TOP1: variants seen among roughly 807,000 people sequenced by gnomAD.
The protein encoded by TOP1 is DNA topoisomerase 1.
A neutral mutation model predicts 111.1 loss-of-function variants in TOP1; 10 were observed. The observed-to-expected ratio is 0.09, with a 90% CI of 0.06 to 0.15. TOP1 has a LOEUF of 0.15. Among genes scored for constraint, TOP1 ranks in the 10% least tolerant of loss-of-function variants. The pLI, the probability that TOP1 is intolerant of heterozygous loss-of-function variation, is 1.00. For synonymous variants in TOP1, 271 were observed against 302.9 expected (o/e 0.89, Z 1.10); for missense variants, 474 against 926.7 (o/e 0.51, Z 6.34).
intron 2 of TOP1, among the ~76,000 whole-genome samples, chr20:41,056,750 G>T (rs2033476968): frequency 6.6e-6 from 1 of 152,128 alleles, no homozygotes; most frequent in South Asian, 2.1e-4. Flanking sequence ...CCAAAGTGTT[G>T]GGATTGTAAA....
At position 41,121,859 on chromosome 20, in the gene TOP1, G is replaced by A. The variant is rs2034428897; in HGVS notation, c.2045+69G>A. ...TGTGCAGCATCTGTCAGGGCCCCTG[G>A]GGCCCTGGCTTTTCGATGGTTTCTG... On this transcript the variant is annotated intron_variant, in intron 19 of 20. Coordinates refer to ENST00000361337, the MANE Select transcript of TOP1 (RefSeq NM_003286.4). This position sits in a 1 kb window ranked among gnomAD's most constrained non-coding sequence, Gnocchi z 4.2. 3 of 1,561,012 alleles carry A rather than the reference G, an allele frequency of 1.9e-6. No individual in the cohort carries two copies. Among genetic ancestry groups the A allele is most frequent in the Non-Finnish European group, 2.6e-6 (3 of 1,141,104 alleles).
At chr20:41,051,004 G>T (rs1252431751) in intron 2 of TOP1, among the ~76,000 whole-genome samples, 3 of 152,106 alleles carry the variant, frequency 2.0e-5, no homozygotes, top group Non-Finnish European at 4.4e-5. Context: ...TAATAATGAG[G>T]TGATAAATAT....
chr20:41,093,151 T>A (rs1233432834), intron 9 of TOP1, among the ~76,000 whole-genome samples: 1 of 152,166 alleles, frequency 6.6e-6, no homozygotes, highest in Non-Finnish European at 1.5e-5. Context: ...CCTGCCTGGG[T>A]CTCTTAGAAC....
rs761640581 is a variant in TOP1, at chr20:41,095,559, C to T, written c.731-1661C>T. ...TTGGGGGTTGATGGGGGCAGCTGCG[C>T]CACCTGTTGGCCTTTTAAGTTAATG... On this transcript the variant is annotated intron_variant, in intron 9 of 20. Transcript: ENST00000361337. This position sits in a 1 kb window ranked among gnomAD's most constrained non-coding sequence, Gnocchi z 4.6. 3.1e-4 allele frequency among the ~76,000 whole-genome samples: 47 copies of T among 152,154 alleles called. No individual in the cohort carries two copies. The highest frequency in any genetic ancestry group is 2.6e-4 in the Admixed American group (4 of 15,274).
At chr20:41,060,842 G>A (rs899519567) in intron 2 of TOP1, among the ~76,000 whole-genome samples, 4 of 151,792 alleles carry the variant, frequency 2.6e-5, no homozygotes, top group African/African-American at 7.3e-5. Context: ...TATTGTGGGG[G>A]GATTTGTATT....
chr20:41,119,362 C>G (rs2145971461), intron 18 of TOP1, among the ~76,000 whole-genome samples: 1 of 152,290 alleles, frequency 6.6e-6, no homozygotes, highest in East Asian at 1.9e-4. Flanking sequence ...CACCTGTAAT[C>G]TCAGCATTTT....
At chr20:41,045,394 A>C (rs890351812) in intron 2 of TOP1, among the ~76,000 whole-genome samples, 11 of 152,126 alleles carry the variant, frequency 7.2e-5, no homozygotes, top group South Asian at 2.1e-4. Context: ...TGTAAGTCCT[A>C]AGAGGACTTA....
chr20:41,035,593 G>A (rs915733199), intron 2 of TOP1, among the ~76,000 whole-genome samples: 4 of 152,156 alleles, frequency 2.6e-5, no homozygotes, highest in Admixed American at 6.5e-5. Context: ...TATATTTTAA[G>A]AACGAAACCG....
chr20:41,071,260 T>G lies in TOP1; in HGVS notation c.156-4911T>G, dbSNP rs918325222. 1.3e-5 allele frequency among the ~76,000 whole-genome samples: 2 copies of G among 152,238 alleles called. No homozygotes were observed. Among genetic ancestry groups the G allele is most frequent in the Non-Finnish European group, 2.9e-5 (2 of 68,044 alleles). On this transcript the variant is annotated intron_variant, in intron 3 of 20. Transcript: ENST00000361337. This position sits in a 1 kb window ranked among gnomAD's most constrained non-coding sequence, Gnocchi z 4.3. ...ACTCTGGTCACCCTTTTCTGTGGTC[T>G]GCTTAGCTCCAACAAGAATCATAGA... is the stretch of plus-strand genomic sequence containing the variant.
rs574759704 is a variant in TOP1, at chr20:41,084,685, A to G, written c.614+117A>G. On this transcript the variant is annotated intron_variant, in intron 8 of 20. Coordinates refer to ENST00000361337, the MANE Select transcript of TOP1 (RefSeq NM_003286.4). Reference sequence around the variant, plus strand: ...TATTTGGGGGGAAATACTTTAAACAATTTCTCTAGAGTAACTTTCTGAAGT... The same window carrying G: ...TATTTGGGGGGAAATACTTTAAACAGTTTCTCTAGAGTAACTTTCTGAAGT... The G allele has an allele frequency of 2.5e-4, 150 of 608,382 alleles. 1 individual carries two copies. The African/African-American group carries it at 2.5e-3, about 10-fold the overall frequency. 37.7% of individuals were successfully genotyped at this position (608,382 alleles called of 1,614,324 possible).
At position 41,112,737 on chromosome 20, in the gene TOP1, T is replaced by A. The variant is rs1172435678; in HGVS notation, c.1309-45T>A. Reference sequence around the variant, plus strand: ...GGCTATATTCAAAGTCTGTCTTTACTACACTGTCCCAAAGTAATCTACATT... The same window carrying A: ...GGCTATATTCAAAGTCTGTCTTTACAACACTGTCCCAAAGTAATCTACATT... On this transcript the variant is annotated intron_variant, in intron 13 of 20. Coordinates refer to ENST00000361337, the MANE Select transcript of TOP1 (RefSeq NM_003286.4). This position sits in a 1 kb window ranked among gnomAD's most constrained non-coding sequence, Gnocchi z 5.8. The A allele has an allele frequency of 6.2e-7, 1 of 1,608,012 alleles. No individual in the cohort carries two copies.
rs2034451816 is a variant in TOP1, at chr20:41,123,495, A to C, written c.*198A>C. ...TGTCCTATGGACAACTTATTTAAAA[A>C]TATTTCAGATATCAAAATTCTAGCT... On this transcript the variant is annotated 3_prime_UTR_variant, in exon 21 of 21. Coordinates refer to ENST00000361337, the MANE Select transcript of TOP1 (RefSeq NM_003286.4). The surrounding 1 kb of genome is among the most constrained non-coding windows in gnomAD (Gnocchi z 5.8). 3 of 431,642 alleles carry C rather than the reference A, an allele frequency of 7.0e-6. No individual in the cohort carries two copies. The highest frequency in any genetic ancestry group is 1.2e-5 in the Non-Finnish European group (3 of 245,362). 26.7% of individuals were successfully genotyped at this position (431,642 alleles called of 1,614,324 possible). A position where few individuals can be genotyped will look rare whatever the true frequency, so the allele number is the denominator to read the frequency against.
intron 9 of TOP1, among the ~76,000 whole-genome samples, chr20:41,093,163 C>T (rs979584809): frequency 2.0e-4 from 30 of 152,182 alleles, no homozygotes; most frequent in Non-Finnish European, 8.8e-5. Flanking sequence ...TCTTAGAACC[C>T]TCAGAATTGT....
rs900162197 is a variant in TOP1 at position 41,029,163 on chromosome 20, G to T, written c.33+63G>T. 3.1e-6 allele frequency: 4 copies of T among 1,300,542 alleles called. No individual in the cohort carries two copies. Among genetic ancestry groups the T allele is most frequent in the African/African-American group, 1.6e-5 (1 of 63,944 alleles). The allele number at this position is 1,300,542 out of a possible 1,614,324, so 80.6% of individuals were successfully genotyped here. On this transcript the variant is annotated intron_variant, in intron 1 of 20. Transcript: ENST00000361337. The surrounding 1 kb of genome is among the most constrained non-coding windows in gnomAD (Gnocchi z 6.1). ...GCCTGGCCGTCCCGCGACCCCCGGC[G>T]CAGGCCCCGACCCCAGCCCCGGCCC...
At chr20:41,031,773 A>G (rs1056391926) in intron 2 of TOP1, among the ~76,000 whole-genome samples, 49 of 152,054 alleles carry the variant, frequency 3.2e-4, no homozygotes, top group African/African-American at 1.1e-3. Flanking sequence ...ACTATGCTAG[A>G]GTGATACTAT....
intron 3 of TOP1, chr20:41,072,179 C>T (rs1418677759): frequency 1.4e-5 from 13 of 945,034 alleles, no homozygotes; most frequent in Non-Finnish European, 1.6e-5. Flanking sequence ...TTTTCAGCCT[C>T]TAACCTGGCT....
At chr20:41,048,273 C>T (rs2122605842) in intron 2 of TOP1, among the ~76,000 whole-genome samples, 1 of 152,168 alleles carries the variant, frequency 6.6e-6, no homozygotes, top group East Asian at 1.9e-4. Context: ...AATAATAATG[C>T]AGGGTTTCTT....
In TOP1 at chr20:41,102,441, C is replaced by T. The variant is rs2034078628; in HGVS notation, c.1308+1088C>T. ...CCTGGACAACATGGCGAAACCCTGT[C>T]TCTACTAAAAATACAAAAATTAGCC... On this transcript the variant is annotated intron_variant, in intron 13 of 20. Transcript: ENST00000361337. The surrounding 1 kb of genome is among the most constrained non-coding windows in gnomAD (Gnocchi z 4.0). Among the ~76,000 whole-genome samples, 1 of 152,162 alleles carries T rather than the reference C, an allele frequency of 6.6e-6. No homozygotes were observed. Among genetic ancestry groups the T allele is most frequent in the Non-Finnish European group, 1.5e-5 (1 of 68,036 alleles).
chr20:41,062,997 G>A (rs1180563625), intron 3 of TOP1, among the ~76,000 whole-genome samples: 1 of 152,066 alleles, frequency 6.6e-6, no homozygotes, highest in African/African-American at 2.4e-5. Context: ...TGTTACCTGG[G>A]TATATAGCTG....
Sources: allele counts gnomAD v4.1 joint callset (sites outside exome capture counted in the v4.1 genomes callset), GRCh38; gene constraint gnomAD v4.1.1; non-coding constraint Gnocchi (gnomAD v3.1); transcripts MANE v1.5; gene names NCBI Gene and HGNC (gene_info 2026-07-23, HGNC 2026-07-21).